DNER: variants seen among roughly 807,000 people sequenced by gnomAD.
The protein encoded by DNER is delta/notch like EGF repeat containing.
A neutral mutation model predicts 78.2 loss-of-function variants in DNER; 33 were observed. The observed-to-expected ratio is 0.42, with a 90% CI of 0.32 to 0.56. The LOEUF is 0.56. Among genes scored for constraint, DNER ranks in the 20% least tolerant of loss-of-function variants. The probability of loss-of-function intolerance (pLI) is 0.11; values close to 1 mark genes in which losing one functional copy is unlikely to be tolerated. For synonymous variants in DNER, 417 were observed against 384.8 expected, an observed-to-expected ratio of 1.08 and a Z score of -0.98; for missense variants, 918 against 975.3, an observed-to-expected ratio of 0.94 and a Z score of 0.78.
intron 1 of DNER, among the ~76,000 whole-genome samples, chr2:229,615,134 G>A (rs1033109951): frequency 1.3e-4 from 20 of 152,146 alleles, no homozygotes; most frequent in East Asian, 7.7e-4. Context: ...TGTAGAGGCC[G>A]GGCGTGGTGG....
intron 5 of DNER, among the ~76,000 whole-genome samples, chr2:229,544,219 C>A (rs1000967141): frequency 7.9e-5 from 12 of 152,064 alleles, no homozygotes; most frequent in African/African-American, 2.7e-4. Flanking sequence ...GGTTTCTCCT[C>A]GGGAAGAAGA....
At chr2:229,396,881 G>T (rs1304728634) in intron 10 of DNER, among the ~76,000 whole-genome samples, 1 of 152,118 alleles carries the variant, frequency 6.6e-6, no homozygotes, top group East Asian at 1.9e-4. Flanking sequence ...CAAGAGGGTA[G>T]TCAATGTGAG....
Position 229,540,869 on chromosome 2 carries a change from G to A in DNER, c.993+6078C>T, listed in dbSNP as rs116314352. Among the ~76,000 whole-genome samples, 1,030 of 152,336 alleles carry A rather than the reference G, an allele frequency of 6.8e-3. 14 individuals carry two copies. Among genetic ancestry groups the A allele is most frequent in the African/African-American group, 0.024 (993 of 41,562 alleles). Reference sequence around the variant, plus strand: ...TGGTATCCGATCCTAATAGATTAAGGATGGTGGGTTCCTAAGGCAAGAGAC... The same window carrying A: ...TGGTATCCGATCCTAATAGATTAAGAATGGTGGGTTCCTAAGGCAAGAGAC... On this transcript the variant is annotated intron_variant, in intron 5 of 12. Transcript: ENST00000341772.
chr2:229,417,286 G>A (rs1242533756), intron 9 of DNER, among the ~76,000 whole-genome samples: 1 of 152,180 alleles, frequency 6.6e-6, no homozygotes, highest in Non-Finnish European at 1.5e-5. Context: ...CCAGGTGGAT[G>A]GCATCAAGCA....
At chr2:229,638,739 C>A (rs922202016) in intron 1 of DNER, among the ~76,000 whole-genome samples, 5 of 152,084 alleles carry the variant, frequency 3.3e-5, no homozygotes, top group Non-Finnish European at 7.4e-5. Context: ...GCCAAAAGTC[C>A]AAAATAAAAA....
intron 1 of DNER, among the ~76,000 whole-genome samples, chr2:229,684,670 G>T (rs926907980): frequency 6.6e-6 from 1 of 152,176 alleles, no homozygotes; most frequent in Non-Finnish European, 1.5e-5. Context: ...AGTGACAGAA[G>T]TATTATGAGT....
chr2:229,521,951 T>G (rs1472193898), intron 5 of DNER, among the ~76,000 whole-genome samples: 1 of 152,192 alleles, frequency 6.6e-6, no homozygotes, highest in Non-Finnish European at 1.5e-5. Context: ...ATAATTTTAT[T>G]TCCTCATCAT....
intron 10 of DNER, among the ~76,000 whole-genome samples, chr2:229,389,219 C>A (rs775244523): frequency 6.6e-6 from 1 of 152,048 alleles, no homozygotes; most frequent in African/African-American, 2.4e-5. Context: ...TTTCAGGACA[C>A]CTTTGCGTGC....
intron 1 of DNER, among the ~76,000 whole-genome samples, chr2:229,691,441 G>A (rs1699570255): frequency 6.6e-6 from 1 of 151,924 alleles, no homozygotes; most frequent in Non-Finnish European, 1.5e-5. Flanking sequence ...AGGCTCCTGT[G>A]TTCTGAGACG....
At chr2:229,416,525 G>A (rs1195251199) in intron 9 of DNER, among the ~76,000 whole-genome samples, 1 of 152,094 alleles carries the variant, frequency 6.6e-6, no homozygotes, top group Non-Finnish European at 1.5e-5. Flanking sequence ...CACAAAAAAT[G>A]GGGGGGCCAG....
At chr2:229,432,464 C>T (rs1559350155) in intron 8 of DNER, among the ~76,000 whole-genome samples, 1 of 152,152 alleles carries the variant, frequency 6.6e-6, no homozygotes, top group Non-Finnish European at 1.5e-5. Context: ...CACAAGTATG[C>T]ATACTAACAA....
At chr2:229,417,827 T>C (rs1693683230) in intron 9 of DNER, among the ~76,000 whole-genome samples, 1 of 152,172 alleles carries the variant, frequency 6.6e-6, no homozygotes. Context: ...ACAGTCCATC[T>C]TAATATTACT....
chr2:229,523,035 G>A (rs990568285), intron 5 of DNER, among the ~76,000 whole-genome samples: 8 of 152,250 alleles, frequency 5.3e-5, no homozygotes, highest in African/African-American at 1.9e-4. Flanking sequence ...AAGACATTCA[G>A]AGATGCAAGG....
intron 1 of DNER, among the ~76,000 whole-genome samples, chr2:229,614,947 C>T (rs983392049): frequency 2.0e-5 from 3 of 152,150 alleles, no homozygotes; most frequent in African/African-American, 4.8e-5. Flanking sequence ...AGGAACTAAT[C>T]TACGAAGACT....
At chr2:229,482,675 G>A (rs940011708) in intron 6 of DNER, among the ~76,000 whole-genome samples, 2 of 152,236 alleles carry the variant, frequency 1.3e-5, no homozygotes, top group African/African-American at 4.8e-5. Context: ...CCTACAAAGA[G>A]AAGTGGGGCA....
intron 5 of DNER, among the ~76,000 whole-genome samples, chr2:229,513,880 T>C (rs1187119906): frequency 6.6e-6 from 1 of 152,000 alleles, no homozygotes; most frequent in Non-Finnish European, 1.5e-5. Context: ...CATTATCCCC[T>C]CACCCTCCCT....
intron 11 of DNER, among the ~76,000 whole-genome samples, chr2:229,386,703 A>G (rs2106334769): frequency 6.6e-6 from 1 of 152,318 alleles, no homozygotes; most frequent in East Asian, 1.9e-4. Flanking sequence ...ACATTCATGC[A>G]GCCAACAAAA....
chr2:229,374,783 C>G (rs1326753759), intron 11 of DNER, among the ~76,000 whole-genome samples: 1 of 151,314 alleles, frequency 6.6e-6, no homozygotes, highest in African/African-American at 2.4e-5. Flanking sequence ...GGGCCAGACT[C>G]ACATTTAAAA....
intron 1 of DNER, among the ~76,000 whole-genome samples, chr2:229,646,765 G>A (rs1300837947): frequency 6.6e-6 from 1 of 152,254 alleles, no homozygotes; most frequent in Non-Finnish European, 1.5e-5. Context: ...GGTCCACGGT[G>A]AACCAGACAA....
Sources: gnomAD v4.1 joint callset for allele counts (sites outside exome capture counted in the v4.1 genomes callset) on GRCh38, gnomAD v4.1.1 for gene constraint, MANE v1.5 for transcripts, NCBI Gene and HGNC (gene_info 2026-07-23, HGNC 2026-07-21) for gene names.